The following SORCS1 variants were observed in gnomAD, a reference collection of about 807,000 sequenced individuals.
The protein encoded by SORCS1 is VPS10 domain-containing receptor SorCS1.
A neutral mutation model predicts 146.1 loss-of-function variants in SORCS1; 60 were observed. The observed-to-expected ratio is 0.41, with a 90% CI of 0.33 to 0.51. The LOEUF (loss-of-function observed/expected upper bound fraction) is 0.51, where lower values mean the gene tolerates loss of function less well. Among genes scored for constraint, SORCS1 ranks in the 20% least tolerant of loss-of-function variants. The probability of loss-of-function intolerance (pLI) is 0.21; values close to 1 mark genes in which losing one functional copy is unlikely to be tolerated. For missense variants in SORCS1, 1,352 were observed against 1,487.6 expected, an observed-to-expected ratio of 0.91 and a Z score of 1.50; for synonymous variants, 637 against 584.0, an observed-to-expected ratio of 1.09 and a Z score of -1.31.
At chr10:107,027,638 A>G (rs1958468652) in intron 1 of SORCS1, among the ~76,000 whole-genome samples, 1 of 152,118 alleles carries the variant, frequency 6.6e-6, no homozygotes, top group Non-Finnish European at 1.5e-5. Flanking sequence ...GCCATGGAAA[A>G]CCACACTCTG....
chr10:107,018,205 C>T (rs2149200), intron 1 of SORCS1, among the ~76,000 whole-genome samples: 3 of 151,608 alleles, frequency 2.0e-5, no homozygotes, highest in East Asian at 2.0e-4. Context: ...GACGGAGTCC[C>T]GCTCCGTCGC....
At position 106,667,744 on chromosome 10, in the gene SORCS1, G is replaced by T; in HGVS notation, c.2248C>A (p.Pro750Thr). Residue 750 changes from proline (P) to threonine (T), a missense_variant, in exon 17 of 26, where the codon CCA becomes ACA. This residue lies in a region of SORCS1 where 648 missense variants were observed against 793.8 expected (regional missense o/e 0.82). Transcript: ENST00000263054. ...GQCLPAFWFNPSSLSKDCSLG... is the reference protein window; with the variant it reads ...GQCLPAFWFNTSSLSKDCSLG... ...CTGCAATCCTTTGACAGAGAGGATGGATTGAACCAAAATGCCGGCAGGCAC... is the reference window on the plus strand; with the variant it reads ...CTGCAATCCTTTGACAGAGAGGATGTATTGAACCAAAATGCCGGCAGGCAC... The T allele has an allele frequency of 6.2e-7, 1 of 1,614,122 alleles. No homozygotes were observed. Among genetic ancestry groups the T allele is most frequent in the Non-Finnish European group, 8.5e-7 (1 of 1,180,006 alleles).
intron 20 of SORCS1, among the ~76,000 whole-genome samples, chr10:106,619,477 C>A (rs1847594581): frequency 6.6e-6 from 1 of 152,204 alleles, no homozygotes; most frequent in African/African-American, 2.4e-5. Context: ...AGAGCAAAGT[C>A]ACCAAGTGAA....
chr10:106,818,607 G>T (rs1210134602), intron 3 of SORCS1, among the ~76,000 whole-genome samples: 1 of 152,128 alleles, frequency 6.6e-6, no homozygotes, highest in Admixed American at 6.5e-5. Flanking sequence ...CTGGTGATCC[G>T]CCTGCCTCGG....
chr10:106,893,883 C>A (rs1951340021), intron 2 of SORCS1, among the ~76,000 whole-genome samples: 1 of 152,172 alleles, frequency 6.6e-6, no homozygotes. Context: ...GATATTAAAA[C>A]ATGAGTTTGC....
At chr10:106,872,576 A>G (rs933759018) in intron 2 of SORCS1, among the ~76,000 whole-genome samples, 2 of 152,166 alleles carry the variant, frequency 1.3e-5, no homozygotes, top group African/African-American at 2.4e-5. Context: ...CAAAATAGGG[A>G]TAGGCATGCC....
At chr10:106,585,228 A>AC (rs1845156528) in intron 24 of SORCS1, among the ~76,000 whole-genome samples, 1 of 151,964 alleles carries the variant, frequency 6.6e-6, no homozygotes, top group Non-Finnish European at 1.5e-5. Flanking sequence ...TGTCTCAAAA[A>AC]AAAAAAAAAA....
intron 1 of SORCS1, among the ~76,000 whole-genome samples, chr10:107,006,075 T>C (rs564376379): frequency 6.6e-6 from 1 of 152,334 alleles, no homozygotes; most frequent in East Asian, 1.9e-4. Flanking sequence ...AGCAGCTTTA[T>C]TTCTTTATGC....
intron 1 of SORCS1, among the ~76,000 whole-genome samples, chr10:107,101,620 T>G (rs1311760340): frequency 6.6e-6 from 1 of 152,172 alleles, no homozygotes; most frequent in Non-Finnish European, 1.5e-5. Flanking sequence ...TCTCGGTCAC[T>G]CAAACTGCTG....
chr10:106,866,378 C>T (rs768811628), intron 2 of SORCS1, among the ~76,000 whole-genome samples: 1 of 152,190 alleles, frequency 6.6e-6, no homozygotes, highest in African/African-American at 2.4e-5. Context: ...GACCCGCTAT[C>T]CTGAGCTGAT....
chr10:106,995,664 A>T (rs1185038494), intron 1 of SORCS1, among the ~76,000 whole-genome samples: 4 of 152,174 alleles, frequency 2.6e-5, no homozygotes, highest in East Asian at 3.9e-4. Context: ...TTAGGGCTAC[A>T]TGGGAAGTTG....
chr10:106,825,555 AG>A (rs1231093183), intron 3 of SORCS1, among the ~76,000 whole-genome samples: 1 of 151,698 alleles, frequency 6.6e-6, no homozygotes, highest in Non-Finnish European at 1.5e-5. Context: ...TACAGGCGTG[AG>A]CCACTGCGCC....
In SORCS1 at chr10:107,164,492, G is replaced by A; in HGVS notation, c.35C>T (p.Ala12Val). ...GCCGGCGAGGAGCGCGCTCAGCCGGGCTTGGGAGCCGCCGCCGGCGCCAAC... is the reference window on the plus strand; with the variant it reads ...GCCGGCGAGGAGCGCGCTCAGCCGGACTTGGGAGCCGCCGCCGGCGCCAAC... ...GKVGAGGGSQ[A>V]RLSALLAGAG... The change falls in exon 1 of 26, where the codon GCC (alanine) becomes GTC (valine). Residue 12 changes from alanine to valine, a missense_variant. Ala to Val is a moderately conservative substitution (Grantham distance 64). Around this residue, in one of 3 missense-constraint regions of SORCS1, gnomAD observed 490 missense variants for 489.1 expected, o/e 1.00. Transcript: ENST00000263054. This position sits in a 1 kb window ranked among gnomAD's most constrained non-coding sequence, Gnocchi z 6.8. 4 of 1,352,934 alleles carry A rather than the reference G, an allele frequency of 3.0e-6. No individual in the cohort carries two copies. The highest frequency in any genetic ancestry group is 3.0e-5 in the East Asian group (1 of 33,164). The allele number at this position is 1,352,934 out of a possible 1,614,324, so 83.8% of individuals were successfully genotyped here.
At chr10:106,600,349 T>C (rs1265032308) in intron 23 of SORCS1, 3 of 975,156 alleles carry the variant, frequency 3.1e-6, no homozygotes, top group South Asian at 9.5e-5. Context: ...ACGTTTCATA[T>C]ATTTAACTTG....
Position 106,989,686 on chromosome 10 carries a change from T to G in SORCS1, c.559-33106A>C, listed in dbSNP as rs572435283. On this transcript the variant is annotated intron_variant, in intron 1 of 25. Transcript: ENST00000263054. ...ATTTTTTCTGTTTTTTTTTGTTTTT[T>G]TTTTTTTTTTTTTTTTCTGAGATGG... Among the ~76,000 whole-genome samples the G allele has an allele frequency of 6.0e-3, 834 of 138,082 alleles. 7 individuals are homozygous for G. The highest frequency in any genetic ancestry group is 9.2e-3 in the Non-Finnish European group (601 of 64,988). 90.6% of individuals were successfully genotyped at this position (138,082 alleles called of 152,430 possible).
chr10:107,017,086 G>A (rs1455992171), intron 1 of SORCS1, among the ~76,000 whole-genome samples: 1 of 152,160 alleles, frequency 6.6e-6, no homozygotes, highest in Non-Finnish European at 1.5e-5. Flanking sequence ...TAACTACTTT[G>A]CAAAAGTGTT....
rs147057771 is a variant in SORCS1, at chr10:106,889,180, C to T, written c.627-59507G>A. ...GGTTAAGCATCCTCTTCTCTGGTTC[C>T]CCAGGCAGCCAAAAGCTTGGCAGAA... On this transcript the variant is annotated intron_variant, in intron 2 of 25. Transcript: ENST00000263054. Among the ~76,000 whole-genome samples, 659 of 152,212 alleles carry T rather than the reference C, an allele frequency of 4.3e-3. 2 individuals carry two copies. The highest frequency in any genetic ancestry group is 6.3e-3 in the Non-Finnish European group (429 of 68,026).
At chr10:106,832,524 T>C (rs532807312) in intron 2 of SORCS1, among the ~76,000 whole-genome samples, 1 of 152,156 alleles carries the variant, frequency 6.6e-6, no homozygotes, top group South Asian at 2.1e-4. Context: ...TTTTTTTCCA[T>C]TCTTATCTTA....
chr10:107,033,283 C>A (rs1958750464), intron 1 of SORCS1, among the ~76,000 whole-genome samples: 1 of 151,918 alleles, frequency 6.6e-6, no homozygotes, highest in Admixed American at 6.6e-5. Flanking sequence ...CCCCATGATC[C>A]AATCACCTCC....
Sources: allele counts gnomAD v4.1 joint callset (sites outside exome capture counted in the v4.1 genomes callset), GRCh38; gene constraint gnomAD v4.1.1; regional missense constraint gnomAD v4.1.1; non-coding constraint Gnocchi (gnomAD v3.1); transcripts MANE v1.5; gene names NCBI Gene and HGNC (gene_info 2026-07-23, HGNC 2026-07-21).